The following TTC29 variants were observed in gnomAD, a reference collection of about 807,000 sequenced individuals.
The protein encoded by TTC29 is tetratricopeptide repeat protein 29.
TTC29 carries 49 observed loss-of-function variants against 58.1 expected under a neutral mutation model. The observed-to-expected ratio is 0.84, with a 90% CI of 0.67 to 1.07. The LOEUF (loss-of-function observed/expected upper bound fraction) is 1.07. TTC29 is among the 50% of genes least tolerant of loss of function. TTC29 has a pLI of 0.00. For synonymous variants in TTC29, 209 were observed against 196.8 expected (o/e 1.06, Z -0.52); for missense variants, 582 against 555.6 (o/e 1.05, Z -0.48).
At chr4:146,771,796 GA>G (rs1747753543) in intron 11 of TTC29, among the ~76,000 whole-genome samples, 1 of 151,998 alleles carries the variant, frequency 6.6e-6, no homozygotes, top group South Asian at 2.1e-4. Context: ...TTTTTGGGTT[GA>G]ATGGTAGTTC....
intron 6 of TTC29, among the ~76,000 whole-genome samples, chr4:146,878,387 C>A (rs1376232136): frequency 1.3e-5 from 2 of 152,038 alleles, no homozygotes; most frequent in South Asian, 2.1e-4. Flanking sequence ...CTATTAGGTG[C>A]TAGTCAAAAT....
Position 146,707,157 on chromosome 4 carries a change from T to TTTAAG in TTC29, c.1424_1428dup, listed in dbSNP as rs772932604. 2 of 1,527,762 alleles carry TTTAAG rather than the reference T, an allele frequency of 1.3e-6. No homozygotes were observed. Among genetic ancestry groups the TTTAAG allele is most frequent in the East Asian group, 2.5e-5 (1 of 40,654 alleles). 94.6% of individuals were successfully genotyped at this position (1,527,762 alleles called of 1,614,324 possible). On this transcript the variant is annotated 3_prime_UTR_variant, in exon 13 of 13. Coordinates refer to ENST00000325106, the MANE Select transcript of TTC29 (RefSeq NM_031956.4). ...GCTTTGATGTTAAGTGAAAAGCTGC[T>TTTAAG]TTAAGTTTCATTTTTTTGATCACCT...
chr4:146,735,248 T>C (rs1410173456), intron 11 of TTC29, among the ~76,000 whole-genome samples: 1 of 151,896 alleles, frequency 6.6e-6, no homozygotes, highest in African/African-American at 2.4e-5. Flanking sequence ...ACCAAGAATG[T>C]AGTCAACGTG....
chr4:146,852,913 AT>A (rs891336663), intron 8 of TTC29, among the ~76,000 whole-genome samples: 1 of 151,942 alleles, frequency 6.6e-6, no homozygotes, highest in African/African-American at 2.4e-5. Context: ...TTATATGATT[AT>A]TTTTTACTTT....
chr4:146,928,318 C>A (rs1735075475), intron 4 of TTC29, among the ~76,000 whole-genome samples: 1 of 152,136 alleles, frequency 6.6e-6, no homozygotes. Flanking sequence ...CTCTGTGCAT[C>A]AATTTTTAGC....
chr4:146,900,889 T>C (rs1228365263), intron 6 of TTC29, among the ~76,000 whole-genome samples: 2 of 152,156 alleles, frequency 1.3e-5, no homozygotes, highest in Non-Finnish European at 2.9e-5. Context: ...TTTAAAAAAG[T>C]AGAAATAAAA....
intron 11 of TTC29, among the ~76,000 whole-genome samples, chr4:146,795,998 T>G (rs1477225114): frequency 6.6e-6 from 1 of 152,224 alleles, no homozygotes; most frequent in Non-Finnish European, 1.5e-5. Context: ...TCCTTTCTAC[T>G]GATTCACTCT....
At chr4:146,916,809 A>T (rs1268709969) in intron 4 of TTC29, among the ~76,000 whole-genome samples, 1 of 151,516 alleles carries the variant, frequency 6.6e-6, no homozygotes, top group Admixed American at 6.6e-5. Flanking sequence ...ATGGTATTCT[A>T]TCTCATCCAT....
intron 6 of TTC29, among the ~76,000 whole-genome samples, chr4:146,895,217 T>C (rs1490492610): frequency 6.6e-6 from 1 of 152,168 alleles, no homozygotes; most frequent in Non-Finnish European, 1.5e-5. Context: ...CTGGCTCTTC[T>C]TCACACTGAG....
At chr4:146,808,617 G>A (rs916276161) in intron 10 of TTC29, among the ~76,000 whole-genome samples, 13 of 152,124 alleles carry the variant, frequency 8.5e-5, no homozygotes, top group African/African-American at 3.1e-4. Flanking sequence ...GCCAAATCAT[G>A]AGTGAACTCC....
intron 2 of TTC29, chr4:146,942,954 C>A (rs755587890): frequency 9.7e-6 from 2 of 205,432 alleles, no homozygotes; most frequent in Non-Finnish European, 1.9e-5. Flanking sequence ...AGAGAGCAGC[C>A]CCCAGAGGTG....
At chr4:146,720,483 G>A (rs544335420) in intron 11 of TTC29, among the ~76,000 whole-genome samples, 4 of 152,054 alleles carry the variant, frequency 2.6e-5, no homozygotes, top group South Asian at 2.1e-4. Context: ...TTTATGTTAC[G>A]TAAAGCAAAA....
chr4:146,802,235 T>G (rs1750282654), intron 11 of TTC29, among the ~76,000 whole-genome samples: 1 of 152,116 alleles, frequency 6.6e-6, no homozygotes, highest in African/African-American at 2.4e-5. Context: ...TTTTCTGCCA[T>G]TCTGGGCAGA....
intron 10 of TTC29, among the ~76,000 whole-genome samples, chr4:146,807,172 T>C (rs1579719854): frequency 6.6e-6 from 1 of 151,986 alleles, no homozygotes; most frequent in Non-Finnish European, 1.5e-5. Flanking sequence ...CAGAAATAAA[T>C]AAGTTCTTTG....
chr4:146,785,214 C>T (rs1296576284), intron 11 of TTC29, among the ~76,000 whole-genome samples: 13 of 129,326 alleles, frequency 1.0e-4, no homozygotes, highest in South Asian at 2.4e-4. Context: ...TTTTTTGAGA[C>T]GGAGTTTCGC....
chr4:146,708,332 A>ACACATG lies in TTC29; in HGVS notation c.1331-782_1331-781insCATGTG, dbSNP rs1331193697. Among the ~76,000 whole-genome samples, 101 of 68,232 alleles carry ACACATG rather than the reference A, an allele frequency of 1.5e-3. 1 individual carries two copies. The highest frequency in any genetic ancestry group is 4.4e-3 in the African/African-American group (96 of 21,718). The allele number at this position is 68,232 out of a possible 152,430, so 44.8% of individuals were successfully genotyped here. On this transcript the variant is annotated intron_variant, in intron 11 of 12. Transcript: ENST00000325106. The stretch of plus-strand genomic sequence containing the variant: ...TTTATATATATATATATATATATAT[A>ACACATG]TATATATATATATATATATATATAC...
chr4:146,865,869 A>G (rs1730529409), intron 8 of TTC29, among the ~76,000 whole-genome samples: 1 of 152,196 alleles, frequency 6.6e-6, no homozygotes, highest in African/African-American at 2.4e-5. Context: ...GTACATCTTA[A>G]ATAGATGCAA....
At chr4:146,937,543 A>T (rs1366993149) in intron 4 of TTC29, 51 bp downstream of exon 4, 34 of 1,180,598 alleles carry the variant, frequency 2.9e-5, no homozygotes, top group Non-Finnish European at 3.7e-5. Flanking sequence ...TAAAGAATCA[A>T]GACAAAAGAA....
At position 146,937,620 on chromosome 4, in the gene TTC29, T is replaced by G; in HGVS notation, c.150A>C (p.Lys50Asn). ...DIDHYLEVNF[K>N]GLSKEEVAAY... ...CAGCAACTTCCTCTTTTGATAATCC[T>G]TTGAAATTTACCTCTAGATAATGAT... Residue 50 changes from lysine (K) to asparagine (N), a missense_variant, in exon 4 of 13, where the codon AAA becomes AAC. Coordinates refer to ENST00000325106, the MANE Select transcript of TTC29 (RefSeq NM_031956.4). The G allele has an allele frequency of 6.5e-7, 1 of 1,536,968 alleles. No individual in the cohort carries two copies. Among genetic ancestry groups the G allele is most frequent in the East Asian group, 2.4e-5 (1 of 41,572 alleles).
Sources: allele counts gnomAD v4.1 joint callset (sites outside exome capture counted in the v4.1 genomes callset), GRCh38; gene constraint gnomAD v4.1.1; transcripts MANE v1.5; gene names NCBI Gene and HGNC (gene_info 2026-07-23, HGNC 2026-07-21).